DACH2: variants seen among roughly 807,000 people sequenced by gnomAD.
DACH2 encodes dachshund family transcription factor 2.
DACH2 carries 17 observed loss-of-function variants against 35.8 expected under a neutral mutation model. The observed-to-expected ratio is 0.48, with a 90% CI of 0.33 to 0.71. The LOEUF is 0.71. Ranked by LOEUF, DACH2 falls within the 30% of genes least tolerant of loss-of-function variation. The pLI, the probability that DACH2 is intolerant of heterozygous loss-of-function variation, is 0.02. For missense variants in DACH2, 469 were observed against 472.7 expected (o/e 0.99, Z 0.07); for synonymous variants, 195 against 177.3 (o/e 1.10, Z -0.79).
rs180719168 is a variant in DACH2 at position 86,165,884 on chromosome X, G to A, written c.488+16776G>A. Among the ~76,000 whole-genome samples the A allele has an allele frequency of 7.2e-5, 8 of 111,452 alleles. No homozygotes were observed. The East Asian group carries it at 2.3e-3, about 31-fold the overall frequency. ...TGCTTTGGTTGCCTATACTTGTGGGGTATTGCTCAAGAAATCTTTGCCCAG... is the reference window on the plus strand; with the variant it reads ...TGCTTTGGTTGCCTATACTTGTGGGATATTGCTCAAGAAATCTTTGCCCAG... On this transcript the variant is annotated intron_variant, in intron 1 of 11. Coordinates refer to ENST00000373125, the MANE Select transcript of DACH2 (RefSeq NM_053281.3).
At chrX:86,782,901 A>G (rs964228799) in intron 7 of DACH2, among the ~76,000 whole-genome samples, 6 of 111,368 alleles carry the variant, frequency 5.4e-5, no homozygotes, top group African/African-American at 1.6e-4. Flanking sequence ...AAGGAAAAAA[A>G]AAATGGACAA....
At position 86,739,791 on chromosome X, in the gene DACH2, G is replaced by A; in HGVS notation, c.1149G>A (p.Glu383=). The change falls in exon 7 of 12, where the codon GAG becomes GAA. Residue 383 remains glutamate (E), a synonymous_variant. Transcript: ENST00000373125. ...ESPSPAPSLE[E]NHRPGSQTSS... ...CTTCTCCTGCTCCTTCTCTAGAAGA[G>A]AATCATCGTCCTGGGAGCCAGACCT... 10 of 1,192,941 alleles carry A rather than the reference G, an allele frequency of 8.4e-6. No individual in the cohort carries two copies. Among genetic ancestry groups the A allele is most frequent in the Non-Finnish European group, 1.1e-5 (10 of 885,471 alleles).
chrX:86,554,016 C>T (rs895506536), intron 3 of DACH2, among the ~76,000 whole-genome samples: 5 of 109,823 alleles, frequency 4.6e-5, no homozygotes, highest in African/African-American at 1.3e-4. Flanking sequence ...TGTGTGTGTG[C>T]GTGTTTGTGT....
chrX:86,411,328 C>A (rs1161294116), intron 2 of DACH2, among the ~76,000 whole-genome samples: 1 of 108,944 alleles, frequency 9.2e-6, no homozygotes, highest in Non-Finnish European at 1.9e-5. Context: ...TTCCCCAGCC[C>A]ACCGACTCAA....
rs199779278 is a variant in DACH2, at chrX:86,761,166, G to A, written c.1240+21284G>A. ...TAGGTTTTAAGCCCTGCATGCATTA[G>A]GTATTTGTCCTAATGCTCTCCCTCC... On this transcript the variant is annotated intron_variant, in intron 7 of 11. Transcript: ENST00000373125. Among the ~76,000 whole-genome samples, 8 of 110,894 alleles carry A rather than the reference G, an allele frequency of 7.2e-5. No individual in the cohort carries two copies. In the East Asian group the frequency reaches 1.7e-3, roughly 24 times the overall value.
At chrX:86,825,749 T>C (rs753425249) in intron 11 of DACH2, among the ~76,000 whole-genome samples, 5 of 111,951 alleles carry the variant, frequency 4.5e-5, no homozygotes, top group South Asian at 7.5e-4. Context: ...CAGTTGCAGA[T>C]CTCTGTACTG....
chrX:86,759,560 G>GTT lies in DACH2; in HGVS notation c.1240+19691_1240+19692dup, dbSNP rs373909049. On this transcript the variant is annotated intron_variant, in intron 7 of 11. Transcript: ENST00000373125. ...AGGCAGCATATAGTTGTTGTTGTTT[G>GTT]TTTTTTTTTTTTTTAAAAATCCATT... is the stretch of plus-strand genomic sequence containing the variant. Among the ~76,000 whole-genome samples the GTT allele has an allele frequency of 1.0e-3, 95 of 92,563 alleles. 2 individuals carry two copies. The highest frequency in any genetic ancestry group is 1.6e-3 in the Non-Finnish European group (72 of 46,351). The allele number at this position is 92,563 out of a possible 115,157, so 80.4% of individuals were successfully genotyped here.
At chrX:86,295,531 T>G (rs1177820675) in intron 1 of DACH2, among the ~76,000 whole-genome samples, 1 of 111,491 alleles carries the variant, frequency 9.0e-6, no homozygotes, top group Non-Finnish European at 1.9e-5. Flanking sequence ...GTCTTTCAAG[T>G]TTATTTGCGG....
chrX:86,438,605 G>C (rs150992319), intron 2 of DACH2, among the ~76,000 whole-genome samples: 106 of 112,124 alleles, frequency 9.5e-4, no homozygotes, highest in Non-Finnish European at 9.8e-4. Context: ...TATCAGTGAT[G>C]GGCATTTAGG....
At chrX:86,530,134 T>A (rs2038697256) in intron 3 of DACH2, among the ~76,000 whole-genome samples, 1 of 111,442 alleles carries the variant, frequency 9.0e-6, no homozygotes, top group Non-Finnish European at 1.9e-5. Flanking sequence ...TATTAGCCCA[T>A]TCAAGGCATG....
At chrX:86,391,694 A>G (rs959609717) in intron 2 of DACH2, among the ~76,000 whole-genome samples, 3 of 111,468 alleles carry the variant, frequency 2.7e-5, no homozygotes, top group African/African-American at 9.8e-5. Context: ...CATACTTTTT[A>G]TTGATACATT....
intron 1 of DACH2, among the ~76,000 whole-genome samples, chrX:86,186,434 A>C (rs1181769889): frequency 8.9e-6 from 1 of 112,233 alleles, no homozygotes; most frequent in Non-Finnish European, 1.9e-5. Context: ...TTATCAATAA[A>C]CATTCCAAAA....
At chrX:86,657,094 G>T (rs1384229213) in intron 4 of DACH2, among the ~76,000 whole-genome samples, 1 of 107,387 alleles carries the variant, frequency 9.3e-6, no homozygotes, top group African/African-American at 3.4e-5. Flanking sequence ...GAAGGGTAGT[G>T]GGGGGTGAGG....
intron 4 of DACH2, among the ~76,000 whole-genome samples, chrX:86,664,626 T>G (rs763080538): frequency 8.9e-6 from 1 of 112,137 alleles, no homozygotes; most frequent in African/African-American, 3.2e-5. Flanking sequence ...ATCAACATCA[T>G]GAAAGACACT....
At chrX:86,254,071 C>T (rs937724715) in intron 1 of DACH2, among the ~76,000 whole-genome samples, 1 of 111,730 alleles carries the variant, frequency 9.0e-6, no homozygotes, top group African/African-American at 3.2e-5. Flanking sequence ...CAGAAACAAT[C>T]CTTGGGTATA....
At chrX:86,354,890 A>G (rs1368614619) in intron 1 of DACH2, among the ~76,000 whole-genome samples, 1 of 111,373 alleles carries the variant, frequency 9.0e-6, no homozygotes, top group Non-Finnish European at 1.9e-5. Flanking sequence ...CACTACAGTT[A>G]TTTCACTATA....
At chrX:86,707,912 TAAA>T (rs56293403) in intron 5 of DACH2, among the ~76,000 whole-genome samples, 1 of 34,573 alleles carries the variant, frequency 2.9e-5, no homozygotes, top group Non-Finnish European at 4.5e-5. Context: ...AGACTCCATC[TAAA>T]AAAAAAAAAA....
At chrX:86,315,599 T>A (rs1179639515) in intron 1 of DACH2, among the ~76,000 whole-genome samples, 1 of 111,687 alleles carries the variant, frequency 9.0e-6, no homozygotes, top group Non-Finnish European at 1.9e-5. Flanking sequence ...ATTAAGAACA[T>A]TTGTGACTTA....
At chrX:86,648,791 A>T (rs1191109553) in intron 3 of DACH2, among the ~76,000 whole-genome samples, 1 of 111,095 alleles carries the variant, frequency 9.0e-6, no homozygotes, top group Non-Finnish European at 1.9e-5. Context: ...TAAAAATAAA[A>T]TAAAAAATCA....
Sources: allele counts gnomAD v4.1 joint callset (sites outside exome capture counted in the v4.1 genomes callset), GRCh38; gene constraint gnomAD v4.1.1; transcripts MANE v1.5; gene names NCBI Gene and HGNC (gene_info 2026-07-23, HGNC 2026-07-21).